Variants in PTGR3 observed in about 807,000 individuals in gnomAD.
PTGR3 encodes prostaglandin reductase 3.
the PTGR3 span, chr18:75,200,354 G>A: frequency 5.3e-5 from 8 of 152,248 alleles, no homozygotes; most frequent in Non-Finnish European, 7.3e-5. Context: ...ACCAGAACAC[G>A]TGGAGAGAAA....
the PTGR3 span, chr18:75,197,937 T>G: frequency 6.6e-6 from 1 of 152,222 alleles, no homozygotes; most frequent in Non-Finnish European, 1.5e-5. Flanking sequence ...TGTGCATTAC[T>G]AATCTACTTT....
At chr18:75,199,157 G>T in the PTGR3 span, 2 of 152,590 alleles carry the variant, frequency 1.3e-5, no homozygotes, top group South Asian at 2.1e-4. Context: ...AATCCTGGGC[G>T]TTTGAATTTT....
chr18:75,202,346 A>G, the PTGR3 span: 1 of 1,598,520 alleles, frequency 6.3e-7, no homozygotes, highest in Non-Finnish European at 8.6e-7. Context: ...CAAATCTAAA[A>G]GAAAACAAAC....
At chr18:75,200,628 C>T in the PTGR3 span, 1 of 152,298 alleles carries the variant, frequency 6.6e-6, no homozygotes, top group African/African-American at 2.4e-5. Flanking sequence ...GGAGCGCACA[C>T]TTTTCTCTTT....
At chr18:75,205,941 T>C in the PTGR3 span, among the ~76,000 whole-genome samples, 2 of 152,068 alleles carry the variant, frequency 1.3e-5, no homozygotes, top group African/African-American at 4.8e-5. Flanking sequence ...AACTCTTTGC[T>C]CCATTATCTT....
chr18:75,197,470 T>C, the PTGR3 span: 4 of 152,246 alleles, frequency 2.6e-5, 1 homozygote, highest in Admixed American at 2.0e-4. Flanking sequence ...ACCAACCATA[T>C]TGGTAATCCA....
chr18:75,197,457 C>G, the PTGR3 span: 30 of 152,216 alleles, frequency 2.0e-4, no homozygotes, highest in African/African-American at 6.7e-4. Flanking sequence ...TTAAAGCGAC[C>G]ACACCAACCA....
At chr18:75,199,261 T>C in the PTGR3 span, 1 of 152,652 alleles carries the variant, frequency 6.6e-6, no homozygotes. Flanking sequence ...TGTTGGTCTT[T>C]CATCTTTATT....
At chr18:75,208,511 G>C in the PTGR3 span, 1 of 1,058,582 alleles carries the variant, frequency 9.4e-7, no homozygotes, top group South Asian at 4.5e-5. Context: ...GCGGCCCGGC[G>C]GGGAGCCTCC....
chr18:75,205,526 G>C, the PTGR3 span: 1 of 978,668 alleles, frequency 1.0e-6, no homozygotes, highest in African/African-American at 1.8e-5. Flanking sequence ...TACCCTTCTA[G>C]AGTCACCAGC....
chr18:75,201,695 T>C, the PTGR3 span: 3 of 1,614,066 alleles, frequency 1.9e-6, no homozygotes, highest in Admixed American at 1.7e-5. Flanking sequence ...ATGTTCCTGC[T>C]TTCACAGGCG....
At chr18:75,200,833 TTCA>T in the PTGR3 span, 1 of 149,566 alleles carries the variant, frequency 6.7e-6, no homozygotes, top group African/African-American at 2.6e-5. Flanking sequence ...CACATCTGTG[TTCA>T]CGGAATCATT....
the PTGR3 span, chr18:75,201,620 A>G: frequency 6.2e-7 from 1 of 1,614,204 alleles, no homozygotes; most frequent in South Asian, 1.1e-5. Flanking sequence ...CTTGATACTT[A>G]GAAAGGTAAT....
At chr18:75,202,446 T>TA in the PTGR3 span, 1 of 992,620 alleles carries the variant, frequency 1.0e-6, no homozygotes, top group Non-Finnish European at 1.5e-6. Flanking sequence ...GAGGGGTTGC[T>TA]AAGCTATACA....
At chr18:75,205,972 T>C in the PTGR3 span, among the ~76,000 whole-genome samples, 57 of 152,278 alleles carry the variant, frequency 3.7e-4, 2 homozygotes, top group South Asian at 4.8e-3. Context: ...AGAAAATCGT[T>C]AGAAATATTT....
At chr18:75,203,585 G>A in the PTGR3 span, among the ~76,000 whole-genome samples, 1 of 152,162 alleles carries the variant, frequency 6.6e-6, no homozygotes, top group African/African-American at 2.4e-5. Flanking sequence ...GGGAGCAACT[G>A]CTTTCTGTTA....
the PTGR3 span, chr18:75,202,053 T>C: frequency 6.2e-7 from 1 of 1,613,988 alleles, no homozygotes; most frequent in Non-Finnish European, 8.5e-7. Flanking sequence ...TCCTCCGAGC[T>C]CTTTCAGGCT....
At chr18:75,208,631 G>T in the PTGR3 span, 2 of 594,244 alleles carry the variant, frequency 3.4e-6, no homozygotes, top group Non-Finnish European at 2.1e-6. Context: ...GAGGACGTTC[G>T]GTGGCATCGG....
At chr18:75,201,123 GAA>G in the PTGR3 span, 1 of 370,058 alleles carries the variant, frequency 2.7e-6, no homozygotes, top group South Asian at 4.9e-5. Flanking sequence ...CATCAGGAAT[GAA>G]TTTAGTTCCC....
Sources: gnomAD v4.1 joint callset for allele counts (sites outside exome capture counted in the v4.1 genomes callset) on GRCh38, gnomAD v4.1.1 for gene constraint, MANE v1.5 for transcripts, NCBI Gene and HGNC (gene_info 2026-07-23, HGNC 2026-07-21) for gene names.